MIR2052HG: variants seen among roughly 807,000 people sequenced by gnomAD.
MIR2052HG encodes the protein MIR2052 host gene.
At chr8:74,673,885 T>TTGTA (rs1809019467) in intron 2 of MIR2052HG, among the ~76,000 whole-genome samples, 2 of 65,886 alleles carry the variant, frequency 3.0e-5, no homozygotes, top group African/African-American at 3.1e-4. Context: ...CAGTATTTTT[T>TTGTA]TGTATATATA....
intron 2 of MIR2052HG, among the ~76,000 whole-genome samples, chr8:74,656,808 G>T (rs1808812063): frequency 6.6e-6 from 1 of 152,168 alleles, no homozygotes; most frequent in South Asian, 2.1e-4. Flanking sequence ...ATGGTGGAAA[G>T]ATACATTTAC....
Position 74,617,620 on chromosome 8 carries a change from T to TA in MIR2052HG, n.216+4681dup, listed in dbSNP as rs79782098. On this transcript the variant is annotated intron_variant and non_coding_transcript_variant, in intron 2 of 6. Transcript: ENST00000523442. ...ATCCAGTTCTTTGTTGATGGACACT[T>TA]AGGTTGATTTCATTACTTTGTTATT... is the stretch of plus-strand genomic sequence containing the variant. Among the ~76,000 whole-genome samples, 293 of 152,286 alleles carry TA rather than the reference T, an allele frequency of 1.9e-3. 12 individuals carry two copies. The East Asian group carries it at 0.047, about 24-fold the overall frequency.
intron 2 of MIR2052HG, among the ~76,000 whole-genome samples, chr8:74,647,196 C>T (rs1808697659): frequency 6.6e-6 from 1 of 152,152 alleles, no homozygotes; most frequent in Admixed American, 6.5e-5. Context: ...CTTACATATA[C>T]ACACATGGTA....
chr8:74,703,734 G>A (rs1809380292), intron 4 of MIR2052HG: 1 of 427,616 alleles, frequency 2.3e-6, no homozygotes, highest in Admixed American at 2.5e-5. Flanking sequence ...GTGGATGAAA[G>A]TCAAGTGATC....
intron 2 of MIR2052HG, among the ~76,000 whole-genome samples, chr8:74,663,919 TTCC>T (rs2128737272): frequency 6.6e-6 from 1 of 152,278 alleles, no homozygotes; most frequent in East Asian, 1.9e-4. Context: ...TTATTTCCTT[TTCC>T]ATATTCCACC....
intron 4 of MIR2052HG, among the ~76,000 whole-genome samples, chr8:74,741,890 T>G (rs1809835285): frequency 6.6e-6 from 1 of 152,174 alleles, no homozygotes; most frequent in South Asian, 2.1e-4. Context: ...TTGTTCACAG[T>G]ATGGGCTGAA....
intron 5 of MIR2052HG, chr8:74,757,596 T>C (rs1258256926): frequency 6.6e-6 from 1 of 152,232 alleles, no homozygotes; most frequent in African/African-American, 2.4e-5. Flanking sequence ...GAACTGAGAT[T>C]TGGGGAAGTT....
At chr8:74,659,402 T>C (rs1808838553) in intron 2 of MIR2052HG, among the ~76,000 whole-genome samples, 1 of 152,228 alleles carries the variant, frequency 6.6e-6, no homozygotes, top group African/African-American at 2.4e-5. Flanking sequence ...ACTTTTCTAA[T>C]TTCTACCATG....
intron 4 of MIR2052HG, among the ~76,000 whole-genome samples, chr8:74,745,463 G>A (rs79442788): frequency 6.6e-6 from 1 of 152,062 alleles, no homozygotes; most frequent in Non-Finnish European, 1.5e-5. Flanking sequence ...TTGATTTGGA[G>A]AAACAGAATA....
chr8:74,618,119 G>C (rs1808310505), intron 2 of MIR2052HG, among the ~76,000 whole-genome samples: 1 of 152,138 alleles, frequency 6.6e-6, no homozygotes, highest in Non-Finnish European at 1.5e-5. Context: ...ACCATGTGAT[G>C]GCCCCCAATT....
intron 2 of MIR2052HG, among the ~76,000 whole-genome samples, chr8:74,667,485 T>C (rs1486997531): frequency 6.6e-6 from 1 of 152,256 alleles, no homozygotes; most frequent in Non-Finnish European, 1.5e-5. Flanking sequence ...TTTACATTTA[T>C]TTTAATAATC....
chr8:74,627,585 A>AT (rs1273487629), intron 2 of MIR2052HG, among the ~76,000 whole-genome samples: 2 of 152,176 alleles, frequency 1.3e-5, no homozygotes, highest in Non-Finnish European at 2.9e-5. Context: ...CAGATCACGG[A>AT]TTTTTTTAAA....
chr8:74,674,233 T>C (rs1000210103), intron 2 of MIR2052HG, among the ~76,000 whole-genome samples: 4 of 151,166 alleles, frequency 2.6e-5, no homozygotes. Context: ...TTGAGAAAGA[T>C]TGCTCAGAAT....
Position 74,604,418 on chromosome 8 carries a change from G to C in MIR2052HG, n.128+4510G>C, listed in dbSNP as rs530572879. Among the ~76,000 whole-genome samples, 7 of 134,126 alleles carry C rather than the reference G, an allele frequency of 5.2e-5. No individual in the cohort carries two copies. In the East Asian group the frequency reaches 1.5e-3, roughly 30 times the overall value. 88.0% of individuals were successfully genotyped at this position (134,126 alleles called of 152,430 possible). A position where few individuals can be genotyped will look rare whatever the true frequency, so the allele number is the denominator to read the frequency against. On this transcript the variant is annotated intron_variant and non_coding_transcript_variant, in intron 1 of 6. Transcript: ENST00000523442. The stretch of plus-strand genomic sequence containing the variant: ...CAATAGGGGCAGGCGGGAAGGTGAG[G>C]GGGGGCCCCGCGGGCGGGCGGAGGA...
At chr8:74,698,492 C>G (rs979859494) in intron 2 of MIR2052HG, among the ~76,000 whole-genome samples, 3 of 152,122 alleles carry the variant, frequency 2.0e-5, no homozygotes, top group African/African-American at 7.2e-5. Context: ...GCAACAAAAA[C>G]AAAGATAAAT....
At chr8:74,682,936 C>T (rs1342610133) in intron 2 of MIR2052HG, among the ~76,000 whole-genome samples, 2 of 151,886 alleles carry the variant, frequency 1.3e-5, no homozygotes, top group Non-Finnish European at 2.9e-5. Flanking sequence ...ATGAATGAAC[C>T]ACAAACACAG....
intron 2 of MIR2052HG, among the ~76,000 whole-genome samples, chr8:74,635,375 G>C (rs1808570428): frequency 6.6e-6 from 1 of 151,998 alleles, no homozygotes. Flanking sequence ...CAGCTCTTTG[G>C]GTATTTGGAG....
At chr8:74,661,593 G>T (rs976799056) in intron 2 of MIR2052HG, among the ~76,000 whole-genome samples, 2 of 152,118 alleles carry the variant, frequency 1.3e-5, no homozygotes, top group Non-Finnish European at 2.9e-5. Flanking sequence ...CATTTCTAAG[G>T]TGTGACATTC....
chr8:74,736,078 C>A (rs1205795075), intron 4 of MIR2052HG, among the ~76,000 whole-genome samples: 1 of 152,088 alleles, frequency 6.6e-6, no homozygotes, highest in Non-Finnish European at 1.5e-5. Flanking sequence ...TTAGAGGGAA[C>A]TTAAAATGTA....
Sources: allele counts gnomAD v4.1 joint callset (sites outside exome capture counted in the v4.1 genomes callset), GRCh38; gene constraint gnomAD v4.1.1; transcripts MANE v1.5; gene names NCBI Gene and HGNC (gene_info 2026-07-23, HGNC 2026-07-21).